UBAC2: variants seen among roughly 807,000 people sequenced by gnomAD.
UBAC2 encodes ubiquitin-associated domain-containing protein 2.
In UBAC2, 26 loss-of-function variants were observed where a neutral mutation model predicts 44.0. The observed-to-expected ratio is 0.59, with a 90% CI of 0.43 to 0.82. The LOEUF is 0.82. Ranked by LOEUF, UBAC2 falls within the 40% of genes least tolerant of loss-of-function variation. The pLI is 0.00. For missense variants in UBAC2, 329 were observed against 419.4 expected, an observed-to-expected ratio of 0.78 and a Z score of 1.88; for synonymous variants, 155 against 154.3, an observed-to-expected ratio of 1.00 and a Z score of -0.04.
chr13:99,335,286 A>T (rs1008567723), intron 6 of UBAC2, among the ~76,000 whole-genome samples: 5 of 152,188 alleles, frequency 3.3e-5, no homozygotes, highest in African/African-American at 1.2e-4. Context: ...TCTTCTGCTG[A>T]ATCAGCGTAA....
intron 1 of UBAC2, among the ~76,000 whole-genome samples, chr13:99,213,632 T>C (rs1034583197): frequency 6.6e-5 from 10 of 152,140 alleles, no homozygotes; most frequent in African/African-American, 2.2e-4. Flanking sequence ...AGTGCTGGGA[T>C]TACAGGCATT....
intron 4 of UBAC2, chr13:99,308,050 A>T (rs2044362266): frequency 6.6e-6 from 1 of 152,252 alleles, no homozygotes; most frequent in Non-Finnish European, 1.5e-5. Flanking sequence ...CCTCTTCAGC[A>T]CAGGGTGAAA....
At chr13:99,242,531 C>T (rs1372638085) in intron 2 of UBAC2, among the ~76,000 whole-genome samples, 3 of 134,372 alleles carry the variant, frequency 2.2e-5, no homozygotes, top group African/African-American at 8.5e-5. Context: ...CCCTCCCGGA[C>T]GGGGCGGCTG....
chr13:99,204,696 G>C (rs2042846908), intron 1 of UBAC2, among the ~76,000 whole-genome samples: 1 of 151,858 alleles, frequency 6.6e-6, no homozygotes, highest in Admixed American at 6.6e-5. Flanking sequence ...AAAGAAAGAG[G>C]CCCCCCCAGA....
intron 1 of UBAC2, among the ~76,000 whole-genome samples, chr13:99,210,459 G>A (rs916812071): frequency 6.8e-6 from 1 of 147,078 alleles, no homozygotes; most frequent in Non-Finnish European, 1.5e-5. Context: ...TATATGCTCC[G>A]CTTTTTTCTT....
chr13:99,225,936 A>G (rs1019371224), intron 1 of UBAC2, among the ~76,000 whole-genome samples: 3 of 152,230 alleles, frequency 2.0e-5, no homozygotes, highest in African/African-American at 7.2e-5. Context: ...TGAATCATAG[A>G]GTTGATGGAT....
intron 4 of UBAC2, among the ~76,000 whole-genome samples, chr13:99,313,799 T>G (rs1320636920): frequency 6.6e-6 from 1 of 152,218 alleles, no homozygotes; most frequent in East Asian, 1.9e-4. Context: ...CATTAGATTT[T>G]AGTAATACCT....
chr13:99,380,035 C>A (rs554071548), intron 8 of UBAC2, among the ~76,000 whole-genome samples: 1 of 152,264 alleles, frequency 6.6e-6, no homozygotes, highest in South Asian at 2.1e-4. Context: ...AAAGGCATGT[C>A]ACAGCTGAAG....
At chr13:99,327,671 T>G (rs531612812) in intron 6 of UBAC2, among the ~76,000 whole-genome samples, 78 of 152,238 alleles carry the variant, frequency 5.1e-4, no homozygotes, top group Non-Finnish European at 9.8e-4. Context: ...CCATGTTAGC[T>G]TATATTGATA....
rs749190085 is a variant in UBAC2, at chr13:99,295,957, G to T, written c.390-18140G>T. Reference sequence around the variant, plus strand: ...TTGTTGAATAGAGGGTGGTAGAGTTGATTTTTTTCCTGTTTTGAACAATGA... The same window carrying T: ...TTGTTGAATAGAGGGTGGTAGAGTTTATTTTTTTCCTGTTTTGAACAATGA... On this transcript the variant is annotated intron_variant, in intron 4 of 8. Coordinates refer to ENST00000403766, the MANE Select transcript of UBAC2 (RefSeq NM_001144072.2). This position sits in a 1 kb window ranked among gnomAD's most constrained non-coding sequence, Gnocchi z 4.1. The T allele has an allele frequency of 6.2e-7, 1 of 1,614,114 alleles. No homozygotes were observed.
chr13:99,215,825 C>T (rs2042987454), intron 1 of UBAC2: 3 of 577,956 alleles, frequency 5.2e-6, no homozygotes, highest in Admixed American at 3.0e-5. Flanking sequence ...GAGATCCCAC[C>T]ATCTACTCCT....
chr13:99,232,764 C>A (rs963653020), intron 1 of UBAC2, among the ~76,000 whole-genome samples: 3 of 151,408 alleles, frequency 2.0e-5, no homozygotes, highest in East Asian at 2.0e-4. Flanking sequence ...TCTACACACA[C>A]AAAAAAACAA....
chr13:99,319,494 T>C (rs1346477293), intron 6 of UBAC2, among the ~76,000 whole-genome samples: 3 of 152,224 alleles, frequency 2.0e-5, no homozygotes, highest in Non-Finnish European at 4.4e-5. Context: ...CTCTTCTTCC[T>C]TTAAGCTCTC....
intron 8 of UBAC2, among the ~76,000 whole-genome samples, chr13:99,376,145 A>G (rs917338181): frequency 1.3e-5 from 2 of 152,182 alleles, no homozygotes; most frequent in Non-Finnish European, 2.9e-5. Flanking sequence ...TGTTTTCCTC[A>G]TTCAGTGGGT....
chr13:99,329,300 A>G (rs1409035379), intron 6 of UBAC2, among the ~76,000 whole-genome samples: 1 of 152,148 alleles, frequency 6.6e-6, no homozygotes, highest in Non-Finnish European at 1.5e-5. Flanking sequence ...TATACACTCT[A>G]CAATCAGCCT....
intron 4 of UBAC2, among the ~76,000 whole-genome samples, chr13:99,259,373 A>G (rs997214269): frequency 1.3e-5 from 2 of 150,110 alleles, no homozygotes; most frequent in African/African-American, 4.9e-5. Context: ...AGACAAAACC[A>G]TAGTAAATCT....
At chr13:99,209,866 G>A (rs61968337) in intron 1 of UBAC2, among the ~76,000 whole-genome samples, 4,637 of 152,180 alleles carry the variant, frequency 0.03, 91 homozygotes, top group Middle Eastern at 0.13. Context: ...CCAGCTACTC[G>A]GGAGGCTGAG....
intron 6 of UBAC2, among the ~76,000 whole-genome samples, chr13:99,322,480 A>G (rs748004268): frequency 2.0e-5 from 3 of 152,074 alleles, no homozygotes; most frequent in Non-Finnish European, 2.9e-5. Context: ...TCTTTTGCCA[A>G]TTTTCTTTTT....
chr13:99,308,838 T>C (rs577772081), intron 4 of UBAC2: 5 of 152,218 alleles, frequency 3.3e-5, no homozygotes, highest in African/African-American at 1.2e-4. Context: ...TCCAAGGTAA[T>C]TCCTAGTACA....
Sources: gnomAD v4.1 joint callset for allele counts (sites outside exome capture counted in the v4.1 genomes callset) on GRCh38, gnomAD v4.1.1 for gene constraint, Gnocchi (gnomAD v3.1) non-coding constraint, MANE v1.5 for transcripts, NCBI Gene and HGNC (gene_info 2026-07-23, HGNC 2026-07-21) for gene names.